GABRR2: variants seen among roughly 807,000 people sequenced by gnomAD.
GABRR2 encodes the protein gamma-aminobutyric acid type A receptor subunit rho2, also known as gamma-aminobutyric acid receptor subunit rho-2.
Under a neutral mutation model 47.0 loss-of-function variants are expected in GABRR2, and 36 were observed. That is an observed-to-expected ratio of 0.77 (90% CI 0.59 to 1.01). The LOEUF is 1.01. Ranked by LOEUF, GABRR2 falls within the 50% of genes least tolerant of loss-of-function variation. GABRR2 has a pLI of 0.00. For synonymous variants in GABRR2, 204 were observed against 227.5 expected (o/e 0.90, Z 0.93); for missense variants, 587 against 594.6 (o/e 0.99, Z 0.13).
intron 1 of GABRR2, chr6:89,302,009 G>A (rs1157086371): frequency 1.0e-5 from 7 of 699,684 alleles, no homozygotes; most frequent in South Asian, 3.2e-5. Context: ...GGACAGTGTC[G>A]GCTCGGGGCC....
intron 2 of GABRR2, among the ~76,000 whole-genome samples, chr6:89,282,573 T>C (rs1005794188): frequency 7.9e-5 from 12 of 152,362 alleles, no homozygotes; most frequent in Admixed American, 1.3e-4. Context: ...GACATGAAGA[T>C]GCGACTGTTT....
chr6:89,290,903 C>T (rs1469215960), intron 2 of GABRR2, among the ~76,000 whole-genome samples: 1 of 152,176 alleles, frequency 6.6e-6, no homozygotes, highest in African/African-American at 2.4e-5. Flanking sequence ...ACACTCAGGC[C>T]TGGCCTGGCA....
chr6:89,311,680 G>C (rs140309507), intron 1 of GABRR2, among the ~76,000 whole-genome samples: 3 of 152,312 alleles, frequency 2.0e-5, no homozygotes, highest in African/African-American at 7.2e-5. Context: ...GGCAATAACA[G>C]CAACCAGGAT....
At chr6:89,288,655 G>T (rs968661701) in intron 2 of GABRR2, among the ~76,000 whole-genome samples, 1 of 152,044 alleles carries the variant, frequency 6.6e-6, no homozygotes, top group African/African-American at 2.4e-5. Context: ...GTTTTATTTT[G>T]ATTTTGATTT....
intron 1 of GABRR2, chr6:89,301,780 A>G (rs904657947): frequency 3.9e-6 from 3 of 767,928 alleles, no homozygotes; most frequent in Non-Finnish European, 6.9e-6. Flanking sequence ...AGACACGCCC[A>G]GTATGAGGGA....
intron 2 of GABRR2, among the ~76,000 whole-genome samples, chr6:89,274,267 C>G (rs1322481929): frequency 6.6e-6 from 1 of 152,128 alleles, no homozygotes; most frequent in Non-Finnish European, 1.5e-5. Context: ...TCAGGAGGTC[C>G]CAAAGCCACA....
intron 1 of GABRR2, chr6:89,303,027 C>G (rs1767484487): frequency 1.7e-6 from 2 of 1,204,062 alleles, no homozygotes; most frequent in Non-Finnish European, 2.3e-6. Flanking sequence ...TGTCCGAGTA[C>G]CAGCAGTACC....
At chr6:89,310,781 G>A (rs1480210821) in intron 1 of GABRR2, among the ~76,000 whole-genome samples, 2 of 152,114 alleles carry the variant, frequency 1.3e-5, no homozygotes, top group Non-Finnish European at 2.9e-5. Flanking sequence ...AGAGAATGAA[G>A]CTGCAGGGAC....
chr6:89,285,872 C>T (rs1252831890), intron 2 of GABRR2, among the ~76,000 whole-genome samples: 1 of 152,070 alleles, frequency 6.6e-6, no homozygotes, highest in African/African-American at 2.4e-5. Flanking sequence ...AGGCCTCGGC[C>T]TCTTTGACCT....
intron 8 of GABRR2, among the ~76,000 whole-genome samples, chr6:89,259,421 G>T (rs1773686497): frequency 6.6e-6 from 1 of 151,830 alleles, no homozygotes; most frequent in Non-Finnish European, 1.5e-5. Context: ...GTGGTTTGGG[G>T]GCTATTTTTT....
At position 89,279,992 on chromosome 6, in the gene GABRR2, C is replaced by T. The variant is rs548746807; in HGVS notation, c.221-8270G>A. On this transcript the variant is annotated intron_variant, in intron 2 of 8. Coordinates refer to ENST00000402938, the MANE Select transcript of GABRR2 (RefSeq NM_002043.5). ...TGGGAGGCTGAGGCAGGTGGGGCAC[C>T]TGAAGCCAAGAGTTAGAGACTAGCC... Among the ~76,000 whole-genome samples, 30 of 151,950 alleles carry T rather than the reference C, an allele frequency of 2.0e-4. No homozygotes were observed. The South Asian group carries it at 5.6e-3, about 28-fold the overall frequency.
Position 89,271,687 on chromosome 6 carries a change from C to A in GABRR2, c.256G>T (p.Glu86Ter). The A allele has an allele frequency of 6.2e-7, 1 of 1,612,670 alleles. No homozygotes were observed. Among genetic ancestry groups the A allele is most frequent in the South Asian group, 1.1e-5 (1 of 90,680 alleles). The change falls in exon 3 of 9, where the codon GAG becomes TAG. Residue 86 changes from glutamate (E) to a stop codon, truncating the protein, a stop_gained. Coordinates refer to ENST00000402938, the MANE Select transcript of GABRR2 (RefSeq NM_002043.5). LOFTEE classifies it high-confidence loss of function. ...ACCTCGGAGATGCTGTCCAGGCTCT[C>A]CACCTGTACGTCCACGCCCACCGGG... ...AIPVGVDVQV[E>*]SLDSISEVDM...
At chr6:89,271,460 T>A (rs985296143) in intron 3 of GABRR2, among the ~76,000 whole-genome samples, 195 bp downstream of exon 3, 4 of 152,206 alleles carry the variant, frequency 2.6e-5, no homozygotes, top group Non-Finnish European at 5.9e-5. Context: ...GAAACCCACA[T>A]TTAACCAACT....
intron 2 of GABRR2, among the ~76,000 whole-genome samples, chr6:89,292,804 C>CGTATA (rs1554198120): frequency 1.2e-4 from 2 of 16,294 alleles, no homozygotes; most frequent in African/African-American, 8.2e-4. Flanking sequence ...TCGTATATAT[C>CGTATA]GTATATACGA....
chr6:89,267,029 T>G (rs1773913801), intron 6 of GABRR2, among the ~76,000 whole-genome samples: 1 of 139,478 alleles, frequency 7.2e-6, no homozygotes, highest in Non-Finnish European at 1.5e-5. Flanking sequence ...AGACGGAGTA[T>G]CACTCTGTCC....
At chr6:89,283,194 A>T (rs1582451292) in intron 2 of GABRR2, among the ~76,000 whole-genome samples, 4 of 149,386 alleles carry the variant, frequency 2.7e-5, no homozygotes, top group African/African-American at 4.9e-5. Flanking sequence ...TTGGATTTTA[A>T]TTTTTTTTTT....
At chr6:89,283,341 A>G (rs780674446) in intron 2 of GABRR2, among the ~76,000 whole-genome samples, 87 of 152,210 alleles carry the variant, frequency 5.7e-4, no homozygotes, top group Non-Finnish European at 1.5e-4. Flanking sequence ...AATGACATAT[A>G]TACATATGAC....
rs1287275017 is a variant in GABRR2, at chr6:89,256,336, T to C, written c.*1334A>G. On this transcript the variant is annotated 3_prime_UTR_variant, in exon 9 of 9. Coordinates refer to ENST00000402938, the MANE Select transcript of GABRR2 (RefSeq NM_002043.5). ...TAATCTTATATTATAGATATTTGTG[T>C]GGTATTTCCTTTACTAGTTCCTTCT... 1.3e-5 allele frequency among the ~76,000 whole-genome samples: 2 copies of C among 151,930 alleles called. No individual in the cohort carries two copies. The highest frequency in any genetic ancestry group is 6.6e-5 in the Admixed American group (1 of 15,250).
At chr6:89,308,080 G>T (rs1163883877) in intron 1 of GABRR2, among the ~76,000 whole-genome samples, 1 of 152,184 alleles carries the variant, frequency 6.6e-6, no homozygotes, top group African/African-American at 2.4e-5. Flanking sequence ...CTCCCAAAGT[G>T]CTGGGGTTAC....
Sources: allele counts gnomAD v4.1 joint callset (sites outside exome capture counted in the v4.1 genomes callset), GRCh38; gene constraint gnomAD v4.1.1; transcripts MANE v1.5; gene names NCBI Gene and HGNC (gene_info 2026-07-23, HGNC 2026-07-21).